Variants in NRG3 observed in about 807,000 individuals in gnomAD.
NRG3 encodes the protein neuregulin 3, also known as pro-neuregulin-3, membrane-bound isoform.
In NRG3, 31 loss-of-function variants were observed where a neutral mutation model predicts 66.9. The ratio of observed to expected loss-of-function variants is 0.46; its 90% CI spans 0.35 to 0.63. The LOEUF (loss-of-function observed/expected upper bound fraction) is 0.63, where lower values mean the gene tolerates loss of function less well. Among genes scored for constraint, NRG3 ranks in the 20% least tolerant of loss-of-function variants. NRG3 has a pLI of 0.00. For missense variants in NRG3, 910 were observed against 878.9 expected (o/e 1.04, Z -0.45); for synonymous variants, 393 against 359.4 (o/e 1.09, Z -1.06).
intron 2 of NRG3, among the ~76,000 whole-genome samples, chr10:82,636,361 T>C (rs1232779208): frequency 6.6e-6 from 1 of 152,060 alleles, no homozygotes; most frequent in African/African-American, 2.4e-5. Flanking sequence ...CTAAATACCA[T>C]TCTTCTCCAA....
At chr10:82,428,776 A>G (rs1197353712) in intron 2 of NRG3, among the ~76,000 whole-genome samples, 6 of 151,822 alleles carry the variant, frequency 4.0e-5, no homozygotes, top group South Asian at 2.1e-4. Flanking sequence ...TCTTCCTCTT[A>G]GTTGTTTTAT....
Position 81,876,036 on chromosome 10 carries a change from C to A in NRG3, c.696C>A (p.Ser232=), listed in dbSNP as rs755158937. The change falls in exon 1 of 9, where the codon TCC becomes TCA. Residue 232 remains serine (S), a synonymous_variant. Transcript: ENST00000372141. ...GGCCTACTGCGGCATACGCTACCTC[C>A]TCCTACCTTCACGATTCTACTCCCT... is the stretch of plus-strand genomic sequence containing the variant. ...PSWPTAAYAT[S]SYLHDSTPSW... 6.2e-7 allele frequency: 1 copy of A among 1,613,926 alleles called. No homozygotes were observed. The highest frequency in any genetic ancestry group is 8.5e-7 in the Non-Finnish European group (1 of 1,180,048).
chr10:82,357,737 T>G (rs1021429841), intron 1 of NRG3, among the ~76,000 whole-genome samples: 1 of 152,178 alleles, frequency 6.6e-6, no homozygotes, highest in African/African-American at 2.4e-5. Flanking sequence ...ATCATCAACA[T>G]ATGATTTTGA....
At chr10:82,972,044 C>T (rs1851807734) in intron 6 of NRG3, among the ~76,000 whole-genome samples, 1 of 152,076 alleles carries the variant, frequency 6.6e-6, no homozygotes, top group Admixed American at 6.6e-5. Context: ...TTAAATCTAA[C>T]CATCCACAGT....
intron 4 of NRG3, among the ~76,000 whole-genome samples, chr10:82,911,931 G>A (rs1011569666): frequency 1.1e-4 from 17 of 151,942 alleles, no homozygotes; most frequent in African/African-American, 4.1e-4. Flanking sequence ...TTGATGAGTT[G>A]TATTTTCATT....
chr10:82,380,472 G>T (rs1053274697), intron 2 of NRG3, among the ~76,000 whole-genome samples: 8 of 152,108 alleles, frequency 5.3e-5, no homozygotes, highest in Non-Finnish European at 8.8e-5. Flanking sequence ...AAGAAGGAGT[G>T]ATTAGCAATG....
intron 1 of NRG3, among the ~76,000 whole-genome samples, chr10:82,061,690 G>A (rs2064148355): frequency 1.3e-5 from 2 of 152,210 alleles, no homozygotes; most frequent in East Asian, 1.9e-4. Context: ...GAGTCACACT[G>A]CCTTTAGGTC....
At chr10:82,591,733 T>G (rs2046994720) in intron 2 of NRG3, among the ~76,000 whole-genome samples, 1 of 152,156 alleles carries the variant, frequency 6.6e-6, no homozygotes. Flanking sequence ...CTTCTGAAAA[T>G]TTTCCAATTG....
chr10:81,877,687 C>T (rs1841798592), intron 1 of NRG3: 1 of 1,297,364 alleles, frequency 7.7e-7, no homozygotes, highest in South Asian at 2.3e-5. Context: ...AATTGGGAGA[C>T]AGGAAGGAGG....
At chr10:82,278,654 A>T (rs1014433672) in intron 1 of NRG3, among the ~76,000 whole-genome samples, 1 of 152,170 alleles carries the variant, frequency 6.6e-6, no homozygotes, top group African/African-American at 2.4e-5. Context: ...CTGAAATAAT[A>T]AACAGGTTTC....
intron 1 of NRG3, among the ~76,000 whole-genome samples, chr10:82,296,489 G>A (rs558877008): frequency 6.6e-6 from 1 of 152,194 alleles, no homozygotes; most frequent in Non-Finnish European, 1.5e-5. Context: ...AGTTTTTATT[G>A]GAGGATAAAT....
chr10:82,593,388 T>C (rs953159674), intron 2 of NRG3, among the ~76,000 whole-genome samples: 1 of 152,198 alleles, frequency 6.6e-6, no homozygotes, highest in African/African-American at 2.4e-5. Context: ...GCTCTTGAGA[T>C]TATGGTAGAA....
intron 2 of NRG3, among the ~76,000 whole-genome samples, chr10:82,544,843 A>G (rs1190041500): frequency 6.6e-6 from 1 of 152,206 alleles, no homozygotes; most frequent in East Asian, 1.9e-4. Flanking sequence ...TACTATGATA[A>G]AGTAAAAAGC....
chr10:82,586,450 G>A (rs1351039758), intron 2 of NRG3, among the ~76,000 whole-genome samples: 1 of 152,102 alleles, frequency 6.6e-6, no homozygotes, highest in Non-Finnish European at 1.5e-5. Context: ...ATGGTTGTTG[G>A]TTACTTACAG....
intron 1 of NRG3, among the ~76,000 whole-genome samples, chr10:82,143,000 C>T (rs1034749273): frequency 1.3e-5 from 2 of 149,092 alleles, no homozygotes; most frequent in East Asian, 4.1e-4. Context: ...AACTCCTGGG[C>T]TCAAGCGATC....
At chr10:82,965,754 T>C (rs1330291460) in intron 6 of NRG3, among the ~76,000 whole-genome samples, 1 of 151,930 alleles carries the variant, frequency 6.6e-6, no homozygotes, top group Non-Finnish European at 1.5e-5. Context: ...TATATATATA[T>C]ATATTAGCAC....
intron 1 of NRG3, among the ~76,000 whole-genome samples, chr10:82,146,991 T>G (rs2070313389): frequency 6.6e-6 from 1 of 152,080 alleles, no homozygotes; most frequent in South Asian, 2.1e-4. Flanking sequence ...TTCTAGTACC[T>G]GGATTTTCAC....
intron 2 of NRG3, among the ~76,000 whole-genome samples, chr10:82,418,398 GT>G (rs2088763819): frequency 6.9e-6 from 1 of 145,650 alleles, no homozygotes; most frequent in South Asian, 2.1e-4. Context: ...TTATGCAAAT[GT>G]TTATGCAAAT....
At chr10:82,136,836 TCTGA>T (rs1218605610) in intron 1 of NRG3, among the ~76,000 whole-genome samples, 1 of 152,146 alleles carries the variant, frequency 6.6e-6, no homozygotes, top group African/African-American at 2.4e-5. Flanking sequence ...TGCTTTCCAC[TCTGA>T]CAGACAGCAT....
Sources: allele counts gnomAD v4.1 joint callset (sites outside exome capture counted in the v4.1 genomes callset), GRCh38; gene constraint gnomAD v4.1.1; transcripts MANE v1.5; gene names NCBI Gene and HGNC (gene_info 2026-07-23, HGNC 2026-07-21).